Variants in PTBP2 observed in about 807,000 individuals in gnomAD.
PTBP2 encodes the protein polypyrimidine tract-binding protein 2.
Under a neutral mutation model 61.4 loss-of-function variants are expected in PTBP2, and 13 were observed. The ratio of observed to expected loss-of-function variants is 0.21; its 90% CI spans 0.14 to 0.34. The LOEUF is 0.34. Among genes scored for constraint, PTBP2 ranks in the 10% least tolerant of loss-of-function variants. The pLI is 1.00. For missense variants in PTBP2, 405 were observed against 642.6 expected (o/e 0.63, Z 4.00); for synonymous variants, 215 against 218.5 (o/e 0.98, Z 0.14).
intron 3 of PTBP2, among the ~76,000 whole-genome samples, chr1:96,761,016 A>G (rs1252148425): frequency 1.3e-5 from 2 of 152,220 alleles, no homozygotes; most frequent in Admixed American, 6.5e-5. Flanking sequence ...AATAGTAAGC[A>G]TTGTATGAAG....
intron 8 of PTBP2, among the ~76,000 whole-genome samples, chr1:96,800,000 T>C (rs894038284): frequency 1.3e-5 from 2 of 152,188 alleles, no homozygotes; most frequent in Non-Finnish European, 2.9e-5. Context: ...AAAGATAGCC[T>C]AAGTAGTTTT....
chr1:96,801,225 A>C (rs560878034), intron 8 of PTBP2, among the ~76,000 whole-genome samples: 1 of 152,128 alleles, frequency 6.6e-6, no homozygotes, highest in Admixed American at 6.6e-5. Context: ...TGAGAGCTTA[A>C]AGTTTGGGAG....
At position 96,799,011 on chromosome 1, in the gene PTBP2, C is replaced by T. The variant is rs1044181719; in HGVS notation, c.905-5789C>T. Among the ~76,000 whole-genome samples, 5 of 152,144 alleles carry T rather than the reference C, an allele frequency of 3.3e-5. No individual in the cohort carries two copies. In the South Asian group the frequency reaches 1.0e-3, roughly 31 times the overall value. ...ATATCTGAAAGGAAAAGAATAGATA[C>T]ATAATTTATATCACTTCTCTCTGGA... On this transcript the variant is annotated intron_variant, in intron 8 of 13. Coordinates refer to ENST00000674951, the MANE Select transcript of PTBP2 (RefSeq NM_021190.4).
intron 8 of PTBP2, among the ~76,000 whole-genome samples, chr1:96,800,974 G>GT (rs1348949289): frequency 1.3e-5 from 2 of 151,820 alleles, no homozygotes. Flanking sequence ...TTTTAAACAT[G>GT]TTTTTAACCA....
intron 2 of PTBP2, among the ~76,000 whole-genome samples, chr1:96,725,405 T>C (rs1472684168): frequency 6.6e-6 from 1 of 150,798 alleles, no homozygotes; most frequent in Non-Finnish European, 1.5e-5. Context: ...GTTCACTCCA[T>C]TCTTCTGCCT....
intron 3 of PTBP2, among the ~76,000 whole-genome samples, chr1:96,752,087 G>A (rs1350915333): frequency 1.3e-5 from 2 of 151,980 alleles, no homozygotes; most frequent in African/African-American, 4.8e-5. Context: ...GTTGTTTGTA[G>A]CATCTGTCAG....
intron 8 of PTBP2, among the ~76,000 whole-genome samples, chr1:96,800,218 A>C (rs2101155220): frequency 6.6e-6 from 1 of 152,298 alleles, no homozygotes; most frequent in African/African-American, 2.4e-5. Context: ...ACACTGAATT[A>C]GCATTCAGAC....
chr1:96,742,539 C>A (rs1322661195), intron 2 of PTBP2, among the ~76,000 whole-genome samples: 3 of 151,992 alleles, frequency 2.0e-5, no homozygotes, highest in Admixed American at 6.6e-5. Context: ...AAAGAACCAA[C>A]CTTTTTACTT....
downstream of PTBP2, chr1:96,817,099 T>C (rs1276635478): frequency 6.6e-6 from 1 of 152,152 alleles, no homozygotes; most frequent in African/African-American, 2.4e-5. Flanking sequence ...GATAGCCCAA[T>C]CATAAAATGC....
chr1:96,762,145 G>A (rs1439865422), intron 3 of PTBP2, among the ~76,000 whole-genome samples: 4 of 150,800 alleles, frequency 2.7e-5, no homozygotes, highest in East Asian at 3.9e-4. Flanking sequence ...ACACAGACAC[G>A]GCAACCATCC....
At chr1:96,772,884 G>A (rs976551989) in intron 5 of PTBP2, among the ~76,000 whole-genome samples, 4 of 151,512 alleles carry the variant, frequency 2.6e-5, no homozygotes, top group South Asian at 2.1e-4. Context: ...AGGCTGAGGC[G>A]GGTGGATTAC....
chr1:96,791,843 T>TTTG, intron 8 of PTBP2, among the ~76,000 whole-genome samples: 2 of 141,006 alleles, frequency 1.4e-5, no homozygotes, highest in African/African-American at 2.7e-5. Context: ...TTTTTTTTTT[T>TTTG]TTTTTTGAGA....
At chr1:96,730,245 T>G (rs1164676978) in intron 2 of PTBP2, among the ~76,000 whole-genome samples, 1 of 152,204 alleles carries the variant, frequency 6.6e-6, no homozygotes, top group African/African-American at 2.4e-5. Flanking sequence ...TTATTTTGTT[T>G]TGCTTTGTGG....
chr1:96,742,522 T>G (rs1459608312), intron 2 of PTBP2, among the ~76,000 whole-genome samples: 1 of 152,160 alleles, frequency 6.6e-6, no homozygotes, highest in Non-Finnish European at 1.5e-5. Context: ...ATTTTACTGG[T>G]CTTTTCAAAG....
chr1:96,759,655 T>TA (rs1047560102), intron 3 of PTBP2, among the ~76,000 whole-genome samples: 3 of 152,146 alleles, frequency 2.0e-5, no homozygotes, highest in Non-Finnish European at 4.4e-5. Flanking sequence ...AGAAAAATCT[T>TA]AAAGGAATAT....
At chr1:96,820,100 A>T (rs1383999663) in exon 14 of PTBP2, 2 of 151,854 alleles carry the variant, frequency 1.3e-5, no homozygotes, top group Admixed American at 1.3e-4. Context: ...AAAAACCATT[A>T]TTTTCTCATC....
At chr1:96,769,353 C>A (rs1657124881) in intron 3 of PTBP2, among the ~76,000 whole-genome samples, 1 of 151,948 alleles carries the variant, frequency 6.6e-6, no homozygotes, top group Non-Finnish European at 1.5e-5. Flanking sequence ...CTGTCAATGA[C>A]CAAAATGTAG....
intron 2 of PTBP2, among the ~76,000 whole-genome samples, chr1:96,725,008 G>GT (rs1650195727): frequency 6.6e-6 from 1 of 152,036 alleles, no homozygotes; most frequent in Non-Finnish European, 1.5e-5. Context: ...AGTTCATTTT[G>GT]TACAGACTAA....
intron 8 of PTBP2, among the ~76,000 whole-genome samples, chr1:96,804,174 A>T (rs1661288332): frequency 1.3e-5 from 2 of 152,186 alleles, no homozygotes; most frequent in Non-Finnish European, 2.9e-5. Flanking sequence ...TGTTCTTTCA[A>T]CCGGGAGAGT....
Sources: allele counts gnomAD v4.1 joint callset (sites outside exome capture counted in the v4.1 genomes callset), GRCh38; gene constraint gnomAD v4.1.1; transcripts MANE v1.5; gene names NCBI Gene and HGNC (gene_info 2026-07-23, HGNC 2026-07-21).